The following CBLC variants were observed in gnomAD, a reference collection of about 807,000 sequenced individuals.
CBLC encodes E3 ubiquitin-protein ligase CBL-C.
CBLC carries 46 observed loss-of-function variants against 58.6 expected under a neutral mutation model. The ratio of observed to expected loss-of-function variants is 0.79; its 90% CI spans 0.62 to 1.00. The LOEUF is 1.00. Among genes scored for constraint, CBLC ranks in the 50% least tolerant of loss-of-function variants. CBLC has a pLI of 0.00. For synonymous variants in CBLC, 271 were observed against 264.2 expected (o/e 1.03, Z -0.25); for missense variants, 655 against 625.8 (o/e 1.05, Z -0.50).
chr19:44,797,266 T>A (rs1336143298), intron 9 of CBLC, among the ~76,000 whole-genome samples: 1 of 152,128 alleles, frequency 6.6e-6, no homozygotes, highest in African/African-American at 2.4e-5. Flanking sequence ...GTTGTTGTTG[T>A]TTGAGATGGA....
At chr19:44,780,469 A>AT (rs1196086433) in intron 1 of CBLC, among the ~76,000 whole-genome samples, 24,148 of 112,418 alleles carry the variant, frequency 0.21, 3,134 homozygotes, top group Non-Finnish European at 0.28. Context: ...ATCGTTTTTA[A>AT]TTTTTTTTTT....
In CBLC at chr19:44,781,025, C is replaced by T. The variant is rs1967713012; in HGVS notation, c.474C>T (p.Thr158=). The T allele has an allele frequency of 1.2e-6, 2 of 1,613,252 alleles. No individual in the cohort carries two copies. The highest frequency in any genetic ancestry group is 4.5e-5 in the East Asian group (2 of 44,884). The part of the protein sequence containing the change: ...MYQLTKAPAH[T]FWRESCGARC... ...AGCTCACCAAGGCCCCCGCCCACACCTTCTGGAGGGAAAGTTGCGGAGCCC... is the reference window on the plus strand; with the variant it reads ...AGCTCACCAAGGCCCCCGCCCACACTTTCTGGAGGGAAAGTTGCGGAGCCC... The change falls in exon 2 of 11, where the codon ACC becomes ACT. Residue 158 remains threonine (T), a synonymous_variant. Transcript: ENST00000647358.
At position 44,800,427 on chromosome 19, in the gene CBLC, A is replaced by G. The variant is rs1269858060; in HGVS notation, c.1409A>G (p.Asp470Gly). 6.2e-7 allele frequency: 1 copy of G among 1,612,764 alleles called. No individual in the cohort carries two copies. The highest frequency in any genetic ancestry group is 8.5e-7 in the Non-Finnish European group (1 of 1,178,958). The change falls in exon 10 of 11, where the codon GAC becomes GGC. Residue 470 changes from aspartate (D) to glycine (G), a missense_variant. Asp to Gly is a moderately conservative substitution (Grantham distance 94, BLOSUM62 -1). Coordinates refer to ENST00000647358, the MANE Select transcript of CBLC (RefSeq NM_012116.4). ...NSPPAALGPQ[D>G]PAPA ...CCTCCAGCTGCGCTGGGACCCCAGG[A>G]CCCTGCCCCGGCCTGAAGGCCAGGT...
rs748477662 is a variant in CBLC at position 44,789,955 on chromosome 19, T to G, written c.918-49T>G. The G allele has an allele frequency of 3.4e-6, 4 of 1,187,260 alleles. No individual in the cohort carries two copies. The Admixed American group carries it at 6.7e-5, about 20-fold the overall frequency. 73.5% of individuals were successfully genotyped at this position (1,187,260 alleles called of 1,614,324 possible). A position where few individuals can be genotyped will look rare whatever the true frequency, so the allele number is the denominator to read the frequency against. On this transcript the variant is annotated intron_variant, in intron 5 of 10. Coordinates refer to ENST00000647358, the MANE Select transcript of CBLC (RefSeq NM_012116.4). Reference sequence around the variant, plus strand: ...GTAAAGGTACTTGTTCATCTGGGGGTGGGAAATACTGGATGGCCCCCCAGT... The same window carrying G: ...GTAAAGGTACTTGTTCATCTGGGGGGGGGAAATACTGGATGGCCCCCCAGT...
intron 5 of CBLC, among the ~76,000 whole-genome samples, chr19:44,788,662 T>C (rs1480908743): frequency 6.6e-6 from 1 of 151,806 alleles, no homozygotes; most frequent in Non-Finnish European, 1.5e-5. Flanking sequence ...ATTGTATTTA[T>C]TTATTTATTT....
At chr19:44,788,416 C>T (rs955861635) in intron 5 of CBLC, among the ~76,000 whole-genome samples, 1 of 151,436 alleles carries the variant, frequency 6.6e-6, no homozygotes, top group African/African-American at 2.4e-5. Flanking sequence ...TGAGCCACTG[C>T]TCCCAGCCAG....
rs56894232 is a variant in CBLC at position 44,785,532 on chromosome 19, G to GTAGATAGA, written c.917+1167_917+1174dup. ...GGTAGCTAGCTAGATAGTCAGATAG[G>GTAGATAGA]TAGATAGATAGATAGATAGATAGAT... On this transcript the variant is annotated intron_variant, in intron 5 of 10. Coordinates refer to ENST00000647358, the MANE Select transcript of CBLC (RefSeq NM_012116.4). Among the ~76,000 whole-genome samples, 837 of 149,014 alleles carry GTAGATAGA rather than the reference G, an allele frequency of 5.6e-3. 5 individuals are homozygous for GTAGATAGA. The highest frequency in any genetic ancestry group is 0.014 in the Middle Eastern group (4 of 288).
Position 44,800,535 on chromosome 19 carries a change from C to A in CBLC, c.*8-16C>A. 1 of 786,144 alleles carries A rather than the reference C, an allele frequency of 1.3e-6. No homozygotes were observed. Among genetic ancestry groups the A allele is most frequent in the Non-Finnish European group, 2.1e-6 (1 of 474,030 alleles). 48.7% of individuals were successfully genotyped at this position (786,144 alleles called of 1,614,324 possible). ...GGAGGTGACCTCATCTAACCCACCC[C>A]TCTCTCCGCCTACAGGGCACCCAGA... On this transcript the variant is annotated splice_polypyrimidine_tract_variant and intron_variant, in intron 10 of 10. Transcript: ENST00000647358.
intron 1 of CBLC, among the ~76,000 whole-genome samples, chr19:44,779,790 C>T (rs549852370): frequency 6.6e-6 from 1 of 152,030 alleles, no homozygotes; most frequent in South Asian, 2.1e-4. Flanking sequence ...TGGCCTCATG[C>T]GATCTTCGTA....
intron 5 of CBLC, among the ~76,000 whole-genome samples, chr19:44,786,159 C>T (rs1045781012): frequency 2.0e-5 from 3 of 151,844 alleles, no homozygotes; most frequent in Non-Finnish European, 2.9e-5. Context: ...AATATCAAGC[C>T]GTTGCTCCCA....
chr19:44,786,272 C>A (rs1182446754), intron 5 of CBLC, among the ~76,000 whole-genome samples: 1 of 151,634 alleles, frequency 6.6e-6, no homozygotes, highest in Non-Finnish European at 1.5e-5. Flanking sequence ...AACATAGTAA[C>A]CTTTATGTAT....
chr19:44,793,143 C>T (rs1203929569), intron 7 of CBLC, among the ~76,000 whole-genome samples: 1 of 152,078 alleles, frequency 6.6e-6, no homozygotes, highest in Non-Finnish European at 1.5e-5. Context: ...CAGAGCGAGA[C>T]TCCGTTTTTT....
In CBLC at chr19:44,784,262, A is replaced by G. The variant is rs775888781; in HGVS notation, c.780-2A>G. On this transcript the variant is annotated splice_acceptor_variant, in intron 4 of 10. Transcript: ENST00000647358. LOFTEE classifies it high-confidence loss of function. ...CCCCATCCTACCTACCTCTCCCTCC[A>G]GTTACATCTTCCGGCCCAGCTGTAC... is the stretch of plus-strand genomic sequence containing the variant. 3 of 1,565,340 alleles carry G rather than the reference A, an allele frequency of 1.9e-6. No homozygotes were observed. Among genetic ancestry groups the G allele is most frequent in the Non-Finnish European group, 1.8e-6 (2 of 1,141,870 alleles).
chr19:44,788,926 G>A (rs982290188), intron 5 of CBLC, among the ~76,000 whole-genome samples: 3 of 152,220 alleles, frequency 2.0e-5, no homozygotes, highest in Non-Finnish European at 4.4e-5. Flanking sequence ...GTGTGTTAGT[G>A]AGAGAGCCAC....
chr19:44,780,827 A>C (rs1460709622), intron 1 of CBLC, 78 bp from the exon 2 acceptor site: 3 of 1,418,664 alleles, frequency 2.1e-6, no homozygotes, highest in East Asian at 2.3e-5. Flanking sequence ...TTATCCCTGC[A>C]GGTGTTCCCC....
chr19:44,789,060 A>G (rs1967980761), intron 5 of CBLC, among the ~76,000 whole-genome samples: 1 of 152,182 alleles, frequency 6.6e-6, no homozygotes, highest in African/African-American at 2.4e-5. Flanking sequence ...CTGGAGTAGC[A>G]TTGAGGCATG....
At chr19:44,785,773 T>A (rs1459272444) in intron 5 of CBLC, among the ~76,000 whole-genome samples, 1 of 151,846 alleles carries the variant, frequency 6.6e-6, no homozygotes, top group South Asian at 2.1e-4. Context: ...CCATCTCTAC[T>A]AAAAATTAAA....
At chr19:44,790,541 C>A (rs1432397751) in intron 6 of CBLC, among the ~76,000 whole-genome samples, 2 of 152,042 alleles carry the variant, frequency 1.3e-5, no homozygotes, top group Non-Finnish European at 2.9e-5. Flanking sequence ...CTCAAGCAGG[C>A]CTCCCACCTC....
chr19:44,799,824 G>A lies in CBLC; in HGVS notation c.1363-557G>A, dbSNP rs191946717. On this transcript the variant is annotated intron_variant, in intron 9 of 10. Coordinates refer to ENST00000647358, the MANE Select transcript of CBLC (RefSeq NM_012116.4). ...AAGGAAGGAAGGAGAGAGCGAGAGA[G>A]AAAGAAGAAAGAAAGAAAAGAAAAG... Among the ~76,000 whole-genome samples the A allele has an allele frequency of 1.0e-2, 1,441 of 144,132 alleles. 9 individuals are homozygous for A. Among genetic ancestry groups the A allele is most frequent in the Non-Finnish European group, 0.015 (942 of 63,934 alleles). The allele number at this position is 144,132 out of a possible 152,430, so 94.6% of individuals were successfully genotyped here.
Sources: gnomAD v4.1 joint callset for allele counts (sites outside exome capture counted in the v4.1 genomes callset) on GRCh38, gnomAD v4.1.1 for gene constraint, MANE v1.5 for transcripts, NCBI Gene and HGNC (gene_info 2026-07-23, HGNC 2026-07-21) for gene names.